The following RAB30 variants were observed in gnomAD, a reference collection of about 807,000 sequenced individuals.
RAB30 encodes the protein RAB30, member RAS oncogene family.
RAB30 carries 9 observed loss-of-function variants against 25.1 expected under a neutral mutation model. The ratio of observed to expected loss-of-function variants is 0.36; its 90% CI spans 0.22 to 0.63. The LOEUF is 0.63. Ranked by LOEUF, RAB30 falls within the 20% of genes least tolerant of loss-of-function variation. RAB30 has a pLI of 0.69. For missense variants in RAB30, 140 were observed against 243.5 expected (o/e 0.58, Z 2.83); for synonymous variants, 77 against 86.4 (o/e 0.89, Z 0.60).
chr11:83,031,502 C>T (rs1036633752), intron 1 of RAB30, among the ~76,000 whole-genome samples: 5 of 151,114 alleles, frequency 3.3e-5, no homozygotes, highest in African/African-American at 4.9e-5. Flanking sequence ...AAGAATATTC[C>T]GTAAGTGGTT....
intron 1 of RAB30, among the ~76,000 whole-genome samples, chr11:83,058,379 A>T (rs1295793070): frequency 6.6e-6 from 1 of 152,248 alleles, no homozygotes; most frequent in African/African-American, 2.4e-5. Context: ...CCAATCCAGG[A>T]TCATATGTTA....
At chr11:83,065,982 G>A (rs530515621) in intron 1 of RAB30, among the ~76,000 whole-genome samples, 1 of 152,298 alleles carries the variant, frequency 6.6e-6, no homozygotes, top group South Asian at 2.1e-4. Context: ...GTCTTCCTGA[G>A]GACCTTTCAG....
At chr11:83,039,803 A>G (rs961703837) in intron 1 of RAB30, among the ~76,000 whole-genome samples, 1 of 152,232 alleles carries the variant, frequency 6.6e-6, no homozygotes, top group East Asian at 1.9e-4. Context: ...AGCAGAAATC[A>G]AAAAGAAAAA....
intron 1 of RAB30, among the ~76,000 whole-genome samples, chr11:83,033,158 G>A (rs529835897): frequency 3.4e-5 from 5 of 145,906 alleles, no homozygotes; most frequent in Non-Finnish European, 7.5e-5. Context: ...TCTGCTTTCC[G>A]GGTTCAAGTG....
At chr11:83,037,483 C>A (rs1173710447) in intron 1 of RAB30, among the ~76,000 whole-genome samples, 2 of 152,182 alleles carry the variant, frequency 1.3e-5, no homozygotes, top group Non-Finnish European at 1.5e-5. Context: ...CTCCTGACCT[C>A]ACGTGATCCA....
At chr11:83,002,942 TC>T in intron 1 of RAB30, among the ~76,000 whole-genome samples, 1 of 152,122 alleles carries the variant, frequency 6.6e-6, no homozygotes, top group East Asian at 1.9e-4. Context: ...CAAACCCTAG[TC>T]CCCTAAAATA....
intron 1 of RAB30, among the ~76,000 whole-genome samples, chr11:83,058,375 C>A (rs558542369): frequency 6.6e-6 from 1 of 152,288 alleles, no homozygotes; most frequent in South Asian, 2.1e-4. Context: ...ATATCCAATC[C>A]AGGATCATAT....
At chr11:83,029,768 T>C (rs1391250195) in intron 1 of RAB30, among the ~76,000 whole-genome samples, 1 of 152,098 alleles carries the variant, frequency 6.6e-6, no homozygotes, top group Admixed American at 6.6e-5. Context: ...CAATTCACAA[T>C]TGCAAAGATA....
At chr11:83,067,593 G>A (rs988342645) in intron 1 of RAB30, among the ~76,000 whole-genome samples, 3 of 152,126 alleles carry the variant, frequency 2.0e-5, no homozygotes, top group African/African-American at 2.4e-5. Flanking sequence ...CTCTGAAAAC[G>A]TCATCCCCAG....
At chr11:83,026,963 C>G (rs1020663134) in intron 1 of RAB30, among the ~76,000 whole-genome samples, 2 of 152,164 alleles carry the variant, frequency 1.3e-5, no homozygotes, top group African/African-American at 4.8e-5. Flanking sequence ...TTAAAAAACA[C>G]AGGAACTGAC....
At chr11:83,004,499 C>T (rs1857146730) in intron 1 of RAB30, among the ~76,000 whole-genome samples, 1 of 152,096 alleles carries the variant, frequency 6.6e-6, no homozygotes, top group Admixed American at 6.6e-5. Context: ...ATGGGCAGGG[C>T]ATGAGAAACA....
chr11:83,012,324 A>T (rs532562777), intron 1 of RAB30, among the ~76,000 whole-genome samples: 1 of 152,272 alleles, frequency 6.6e-6, no homozygotes, highest in East Asian at 1.9e-4. Context: ...CCAAAGAACT[A>T]ATCTAATCAT....
At chr11:83,027,753 C>A (rs1590862464) in intron 1 of RAB30, among the ~76,000 whole-genome samples, 1 of 152,146 alleles carries the variant, frequency 6.6e-6, no homozygotes, top group African/African-American at 2.4e-5. Flanking sequence ...AATTTTAGAA[C>A]ATTTTCCATT....
intron 1 of RAB30, among the ~76,000 whole-genome samples, chr11:83,036,540 G>C (rs1279430386): frequency 6.6e-6 from 1 of 152,132 alleles, no homozygotes; most frequent in Non-Finnish European, 1.5e-5. Context: ...TCCTCAGATA[G>C]TTATTGAGCA....
At chr11:83,061,213 C>CCT (rs151314585) in intron 1 of RAB30, among the ~76,000 whole-genome samples, 35 of 149,492 alleles carry the variant, frequency 2.3e-4, no homozygotes, top group South Asian at 8.4e-4. Flanking sequence ...TCTCTTCCCA[C>CCT]CTCTCTCTCT....
chr11:83,056,851 G>C (rs1000471254), intron 1 of RAB30, among the ~76,000 whole-genome samples: 5 of 152,138 alleles, frequency 3.3e-5, no homozygotes, highest in African/African-American at 4.8e-5. Context: ...AAAAAAGTTT[G>C]CCAATATTAT....
chr11:82,987,359 C>A (rs961678827), intron 4 of RAB30: 1 of 355,874 alleles, frequency 2.8e-6, no homozygotes, highest in African/African-American at 2.1e-5. Flanking sequence ...AACTTCTTCC[C>A]TAGAGCCTAC....
chr11:83,059,579 A>C (rs1010584655), intron 1 of RAB30, among the ~76,000 whole-genome samples: 10 of 152,342 alleles, frequency 6.6e-5, no homozygotes, highest in African/African-American at 2.4e-4. Flanking sequence ...TGCAGTGTGG[A>C]GTAGCAGGAA....
At chr11:82,989,979 A>T (rs1361187835) in intron 3 of RAB30, among the ~76,000 whole-genome samples, 2 of 152,256 alleles carry the variant, frequency 1.3e-5, no homozygotes, top group African/African-American at 4.8e-5. Flanking sequence ...CGCTGATTTC[A>T]AACAGCTCAC....
Sources: allele counts gnomAD v4.1 joint callset (sites outside exome capture counted in the v4.1 genomes callset), GRCh38; gene constraint gnomAD v4.1.1; transcripts MANE v1.5; gene names NCBI Gene and HGNC (gene_info 2026-07-23, HGNC 2026-07-21).